The following ARHGAP18 variants were observed in gnomAD, a reference collection of about 807,000 sequenced individuals.
The protein encoded by ARHGAP18 is rho GTPase-activating protein 18.
ARHGAP18 carries 67 observed loss-of-function variants against 86.2 expected under a neutral mutation model. The ratio of observed to expected loss-of-function variants is 0.78; its 90% CI spans 0.64 to 0.95. The LOEUF (loss-of-function observed/expected upper bound fraction) is 0.95, where lower values mean the gene tolerates loss of function less well. Among genes scored for constraint, ARHGAP18 ranks in the 40% least tolerant of loss-of-function variants. ARHGAP18 has a pLI of 0.00. For synonymous variants in ARHGAP18, 283 were observed against 280.4 expected (o/e 1.01, Z -0.09); for missense variants, 691 against 780.4 (o/e 0.89, Z 1.37).
intron 1 of ARHGAP18, among the ~76,000 whole-genome samples, chr6:129,661,309 T>A (rs1275178039): frequency 8.1e-5 from 9 of 111,208 alleles, no homozygotes; most frequent in East Asian, 5.2e-4. Context: ...GCAAGAATCT[T>A]AAAAAAAAAA....
chr6:129,600,918 T>C (rs1031390288), intron 10 of ARHGAP18, 70 bp from the exon 11 acceptor site: 4 of 1,340,378 alleles, frequency 3.0e-6, no homozygotes, highest in Non-Finnish European at 4.1e-6. Context: ...CTGTAGCATA[T>C]GCAATTTTTA....
At position 129,634,681 on chromosome 6, in the gene ARHGAP18, T is replaced by C. The variant is rs73592408; in HGVS notation, c.553-576A>G. ...TAGGGAGGGAAAGATGGGGAAGGTC[T>C]GTTAATGGATACAGGCTTTCTTTTG... On this transcript the variant is annotated intron_variant, in intron 3 of 14. Transcript: ENST00000368149. 7.3e-3 allele frequency among the ~76,000 whole-genome samples: 1,109 copies of C among 152,110 alleles called. 12 individuals carry two copies. Among genetic ancestry groups the C allele is most frequent in the African/African-American group, 0.024 (998 of 41,500 alleles).
chr6:129,652,003 G>A (rs72986924), intron 1 of ARHGAP18, among the ~76,000 whole-genome samples: 12,092 of 152,228 alleles, frequency 0.079, 590 homozygotes, highest in African/African-American at 0.13. Flanking sequence ...GAGAAAGCCA[G>A]CCCTTCCAGA....
chr6:129,666,233 TGGAAAAGA>T (rs904809424), intron 1 of ARHGAP18, among the ~76,000 whole-genome samples: 5 of 152,136 alleles, frequency 3.3e-5, no homozygotes, highest in African/African-American at 1.2e-4. Flanking sequence ...TCTTTTTCTG[TGGAAAAGA>T]GGGTTATTCT....
chr6:129,676,646 A>C (rs912019484), intron 1 of ARHGAP18, among the ~76,000 whole-genome samples: 2 of 152,252 alleles, frequency 1.3e-5, no homozygotes, highest in Admixed American at 6.5e-5. Context: ...GCGCCTGCAA[A>C]GTGTGATGCA....
chr6:129,635,505 T>C (rs1773313979), intron 3 of ARHGAP18, among the ~76,000 whole-genome samples: 1 of 152,244 alleles, frequency 6.6e-6, no homozygotes, highest in Non-Finnish European at 1.5e-5. Flanking sequence ...TGGCCCTGCA[T>C]GGCACAATGA....
At chr6:129,709,964 C>T in intron 1 of ARHGAP18, 60 bp downstream of exon 1, 2 of 1,386,340 alleles carry the variant, frequency 1.4e-6, no homozygotes, top group Admixed American at 3.5e-5. Flanking sequence ...ACTTCCCTGT[C>T]ACTTTCTTCC....
chr6:129,650,008 G>T (rs1773674516), intron 1 of ARHGAP18, among the ~76,000 whole-genome samples: 1 of 150,376 alleles, frequency 6.6e-6, no homozygotes, highest in Admixed American at 6.6e-5. Flanking sequence ...CACCTCCCGG[G>T]TTCAAGTTAT....
At chr6:129,631,307 C>T (rs1224427929) in intron 4 of ARHGAP18, among the ~76,000 whole-genome samples, 1 of 152,036 alleles carries the variant, frequency 6.6e-6, no homozygotes, top group Non-Finnish European at 1.5e-5. Context: ...CACACCCACA[C>T]CAACGGACTA....
intron 1 of ARHGAP18, among the ~76,000 whole-genome samples, chr6:129,698,917 C>T (rs1052210596): frequency 5.9e-5 from 9 of 151,850 alleles, no homozygotes; most frequent in African/African-American, 2.2e-4. Context: ...GGTCTTGAAT[C>T]ACTGACCTCA....
intron 5 of ARHGAP18, among the ~76,000 whole-genome samples, chr6:129,624,994 T>C (rs867142787): frequency 9.1e-6 from 1 of 109,584 alleles, no homozygotes; most frequent in South Asian, 2.5e-4. Flanking sequence ...ATATATTATA[T>C]ATGATATATA....
At chr6:129,708,045 TC>T (rs1162848996) in intron 1 of ARHGAP18, among the ~76,000 whole-genome samples, 1 of 151,558 alleles carries the variant, frequency 6.6e-6, no homozygotes, top group African/African-American at 2.4e-5. Flanking sequence ...ATCCATCCCC[TC>T]CCCCATAGCA....
chr6:129,647,262 C>T (rs1279371891), intron 1 of ARHGAP18, among the ~76,000 whole-genome samples: 1 of 152,064 alleles, frequency 6.6e-6, no homozygotes, highest in Non-Finnish European at 1.5e-5. Flanking sequence ...CTTAATGTGC[C>T]TTTGTCATCC....
intron 1 of ARHGAP18, among the ~76,000 whole-genome samples, chr6:129,697,788 A>G (rs1418336066): frequency 6.6e-6 from 1 of 152,210 alleles, no homozygotes; most frequent in East Asian, 1.9e-4. Context: ...TTAACAACCA[A>G]TAATTTATCT....
At position 129,591,018 on chromosome 6, in the gene ARHGAP18, G is replaced by A. The variant is rs1259345912; in HGVS notation, c.1714-6906C>T. On this transcript the variant is annotated intron_variant, in intron 12 of 14. Coordinates refer to ENST00000368149, the MANE Select transcript of ARHGAP18 (RefSeq NM_033515.3). ...TTAAAGTTGTTTCTGGGAAGTTTTTGCTGGATATCTTGACAAGGAAGGCCA... is the reference window on the plus strand; with the variant it reads ...TTAAAGTTGTTTCTGGGAAGTTTTTACTGGATATCTTGACAAGGAAGGCCA... Among the ~76,000 whole-genome samples the A allele has an allele frequency of 3.3e-5, 5 of 152,162 alleles. No homozygotes were observed. In the East Asian group the frequency reaches 7.7e-4, roughly 23 times the overall value.
At chr6:129,637,520 C>G (rs1471487816) in intron 3 of ARHGAP18, among the ~76,000 whole-genome samples, 1 of 152,220 alleles carries the variant, frequency 6.6e-6, no homozygotes, top group Non-Finnish European at 1.5e-5. Flanking sequence ...TAACCTAAAG[C>G]TGCCTCCTTA....
At chr6:129,702,738 GC>G (rs1244186985) in intron 1 of ARHGAP18, among the ~76,000 whole-genome samples, 4 of 152,168 alleles carry the variant, frequency 2.6e-5, no homozygotes, top group Non-Finnish European at 5.9e-5. Flanking sequence ...AGTGGCTCAC[GC>G]CTGTAATCCC....
intron 1 of ARHGAP18, among the ~76,000 whole-genome samples, chr6:129,658,145 C>A (rs1208395015): frequency 6.6e-6 from 1 of 152,158 alleles, no homozygotes; most frequent in African/African-American, 2.4e-5. Context: ...CAAGAAACAT[C>A]CTACAAAAGG....
intron 1 of ARHGAP18, among the ~76,000 whole-genome samples, chr6:129,665,792 C>T (rs1774025086): frequency 6.6e-6 from 1 of 152,044 alleles, no homozygotes; most frequent in Non-Finnish European, 1.5e-5. Flanking sequence ...CCTCTCTGAA[C>T]CTCGGTTTTT....
Sources: gnomAD v4.1 joint callset for allele counts (sites outside exome capture counted in the v4.1 genomes callset) on GRCh38, gnomAD v4.1.1 for gene constraint, MANE v1.5 for transcripts, NCBI Gene and HGNC (gene_info 2026-07-23, HGNC 2026-07-21) for gene names.